ST6GALNAC5: variants seen among roughly 807,000 people sequenced by gnomAD.
ST6GALNAC5 encodes alpha-N-acetylgalactosaminide alpha-2,6-sialyltransferase 5.
In ST6GALNAC5, 27 loss-of-function variants were observed where a neutral mutation model predicts 33.6. That is an observed-to-expected ratio of 0.80 (90% CI 0.59 to 1.11). The LOEUF is 1.11. Ranked by LOEUF, ST6GALNAC5 falls within the 50% of genes least tolerant of loss-of-function variation. The pLI is 0.00. For missense variants in ST6GALNAC5, 428 were observed against 454.0 expected, an observed-to-expected ratio of 0.94 and a Z score of 0.52; for synonymous variants, 194 against 171.2, an observed-to-expected ratio of 1.13 and a Z score of -1.04.
intron 2 of ST6GALNAC5, among the ~76,000 whole-genome samples, chr1:76,891,874 A>C (rs971784277): frequency 3.7e-4 from 56 of 152,202 alleles, no homozygotes; most frequent in African/African-American, 1.3e-3. Context: ...TTTTTATAAA[A>C]AATAAACCGC....
intron 2 of ST6GALNAC5, among the ~76,000 whole-genome samples, chr1:76,979,198 A>T (rs369810094): frequency 3.9e-5 from 6 of 152,300 alleles, no homozygotes; most frequent in South Asian, 4.1e-4. Flanking sequence ...CGTATTACCT[A>T]AAGCTAGCTG....
At chr1:77,035,443 T>G (rs1205710266) in intron 2 of ST6GALNAC5, among the ~76,000 whole-genome samples, 1 of 152,138 alleles carries the variant, frequency 6.6e-6, no homozygotes, top group East Asian at 1.9e-4. Context: ...AACAACACCC[T>G]TAAGTATAGA....
chr1:76,888,934 ACT>A (rs979014871), intron 2 of ST6GALNAC5, among the ~76,000 whole-genome samples: 2 of 152,014 alleles, frequency 1.3e-5, no homozygotes, highest in South Asian at 2.1e-4. Flanking sequence ...CTTAAAATCT[ACT>A]CTGTTAGCAA....
intron 2 of ST6GALNAC5, among the ~76,000 whole-genome samples, chr1:76,928,451 TA>T (rs915623922): frequency 1.1e-4 from 17 of 152,122 alleles, no homozygotes; most frequent in African/African-American, 3.9e-4. Context: ...CGTAATTCAG[TA>T]GGGGTTCTTT....
chr1:76,939,357 A>C (rs1042236386), intron 2 of ST6GALNAC5, among the ~76,000 whole-genome samples: 1 of 152,104 alleles, frequency 6.6e-6, no homozygotes, highest in Non-Finnish European at 1.5e-5. Context: ...TAGCTCTGAC[A>C]AGAGAAGATT....
intron 2 of ST6GALNAC5, among the ~76,000 whole-genome samples, chr1:76,971,685 G>T (rs926368637): frequency 2.0e-5 from 3 of 151,888 alleles, no homozygotes; most frequent in Non-Finnish European, 4.4e-5. Flanking sequence ...ACTCACATTA[G>T]TGTACAGTTG....
At chr1:77,058,504 C>T (rs895470190) in intron 4 of ST6GALNAC5, among the ~76,000 whole-genome samples, 1 of 152,210 alleles carries the variant, frequency 6.6e-6, no homozygotes, top group Non-Finnish European at 1.5e-5. Flanking sequence ...TCTTCTTCCT[C>T]TCTCGCCTTG....
intron 2 of ST6GALNAC5, among the ~76,000 whole-genome samples, chr1:76,970,170 G>T (rs989821254): frequency 6.6e-6 from 1 of 151,936 alleles, no homozygotes; most frequent in South Asian, 2.1e-4. Context: ...GCAGCCCCTC[G>T]CCAGCAACAG....
In ST6GALNAC5 at chr1:77,049,453, C is replaced by T. The variant is rs144157731; in HGVS notation, c.672-805C>T. 7.2e-5 allele frequency among the ~76,000 whole-genome samples: 11 copies of T among 152,248 alleles called. No homozygotes were observed. In the East Asian group the frequency reaches 1.7e-3, roughly 24 times the overall value. Reference sequence around the variant, plus strand: ...GTAGCATGGTAGGCTGAGTCATTCTCACAGGATCAAATTAGACCTTGGTGT... The same window carrying T: ...GTAGCATGGTAGGCTGAGTCATTCTTACAGGATCAAATTAGACCTTGGTGT... On this transcript the variant is annotated intron_variant, in intron 3 of 4. Coordinates refer to ENST00000477717, the MANE Select transcript of ST6GALNAC5 (RefSeq NM_030965.3).
In ST6GALNAC5 at chr1:77,002,338, C is replaced by A. The variant is rs972239063; in HGVS notation, c.262-41866C>A. Among the ~76,000 whole-genome samples, 131 of 152,088 alleles carry A rather than the reference C, an allele frequency of 8.6e-4. 1 individual carries two copies. The highest frequency in any genetic ancestry group is 3.0e-3 in the African/African-American group (123 of 41,504). On this transcript the variant is annotated intron_variant, in intron 2 of 4. Transcript: ENST00000477717. ...ATTTCTGTGGGATCAGTGGTGGTATCCCCTTTATCATTTTTTATTGTGTCT... is the reference window on the plus strand; with the variant it reads ...ATTTCTGTGGGATCAGTGGTGGTATACCCTTTATCATTTTTTATTGTGTCT...
chr1:77,057,759 C>T (rs1011256297), intron 4 of ST6GALNAC5, among the ~76,000 whole-genome samples: 10 of 152,110 alleles, frequency 6.6e-5, no homozygotes, highest in East Asian at 1.9e-4. Context: ...CTGTTGTTTC[C>T]TCAAATGCCA....
chr1:77,042,379 A>G (rs981362883), intron 2 of ST6GALNAC5, among the ~76,000 whole-genome samples: 2 of 152,116 alleles, frequency 1.3e-5, no homozygotes, highest in African/African-American at 4.8e-5. Flanking sequence ...GTCCCTCACT[A>G]AAGTGTAAGC....
At chr1:76,949,169 G>C (rs1432321037) in intron 2 of ST6GALNAC5, among the ~76,000 whole-genome samples, 1 of 152,136 alleles carries the variant, frequency 6.6e-6, no homozygotes, top group Non-Finnish European at 1.5e-5. Context: ...TACTGCTCTA[G>C]AGTAATCACA....
intron 2 of ST6GALNAC5, among the ~76,000 whole-genome samples, chr1:76,870,511 A>G (rs1331920461): frequency 6.6e-6 from 1 of 152,232 alleles, no homozygotes; most frequent in Non-Finnish European, 1.5e-5. Context: ...AGCTTAATGC[A>G]AAGTATAATA....
intron 2 of ST6GALNAC5, among the ~76,000 whole-genome samples, chr1:76,900,339 G>A (rs1205259813): frequency 1.5e-5 from 2 of 131,620 alleles, no homozygotes; most frequent in African/African-American, 5.1e-5. Context: ...ATGTGTACGT[G>A]CAGGTCACAG....
At chr1:76,870,235 A>G (rs1653468234) in intron 2 of ST6GALNAC5, among the ~76,000 whole-genome samples, 1 of 152,158 alleles carries the variant, frequency 6.6e-6, no homozygotes, top group South Asian at 2.1e-4. Context: ...TAAGGGCTGG[A>G]GTTCTAGGAA....
intron 2 of ST6GALNAC5, among the ~76,000 whole-genome samples, chr1:76,967,265 C>G (rs1486115523): frequency 6.6e-6 from 1 of 152,172 alleles, no homozygotes; most frequent in Non-Finnish European, 1.5e-5. Context: ...ATTATTGCCT[C>G]AATTTCAGAG....
intron 2 of ST6GALNAC5, among the ~76,000 whole-genome samples, chr1:76,998,612 G>T (rs974587458): frequency 1.2e-4 from 18 of 152,204 alleles, no homozygotes; most frequent in African/African-American, 4.3e-4. Flanking sequence ...TCCTTTACAT[G>T]CCACTCACAT....
chr1:76,915,885 AC>A (rs1646967748), intron 2 of ST6GALNAC5, among the ~76,000 whole-genome samples: 1 of 130,360 alleles, frequency 7.7e-6, no homozygotes. Flanking sequence ...CAAAAAAAAA[AC>A]AAAAAAACAA....
Sources: gnomAD v4.1 joint callset for allele counts (sites outside exome capture counted in the v4.1 genomes callset) on GRCh38, gnomAD v4.1.1 for gene constraint, MANE v1.5 for transcripts, NCBI Gene and HGNC (gene_info 2026-07-23, HGNC 2026-07-21) for gene names.